The following CPPED1 variants were observed in gnomAD, a reference collection of about 807,000 sequenced individuals.
CPPED1 encodes the protein calcineurin like phosphoesterase domain containing 1.
In CPPED1, 28 loss-of-function variants were observed where a neutral mutation model predicts 28.0. The observed-to-expected ratio is 1.00, with a 90% CI of 0.74 to 1.37. CPPED1 has a LOEUF of 1.37. Ranked by LOEUF, CPPED1 falls within the 40% of genes most tolerant of loss-of-function variation. CPPED1 has a pLI of 0.00. For synonymous variants in CPPED1, 198 were observed against 180.2 expected (o/e 1.10, Z -0.79); for missense variants, 504 against 416.5 (o/e 1.21, Z -1.83).
intron 2 of CPPED1, among the ~76,000 whole-genome samples, chr16:12,746,662 T>C (rs2080290500): frequency 6.6e-6 from 1 of 152,100 alleles, no homozygotes; most frequent in Non-Finnish European, 1.5e-5. Context: ...AAATTGTCTT[T>C]GTAAAAGAAA....
chr16:12,743,545 C>G (rs2080267189), intron 2 of CPPED1, among the ~76,000 whole-genome samples: 1 of 152,110 alleles, frequency 6.6e-6, no homozygotes, highest in Non-Finnish European at 1.5e-5. Context: ...AAAGAAAAAT[C>G]TAAGAAAAGA....
intron 1 of CPPED1, among the ~76,000 whole-genome samples, chr16:12,799,506 A>C (rs916637663): frequency 6.6e-6 from 1 of 152,166 alleles, no homozygotes; most frequent in African/African-American, 2.4e-5. Context: ...TCGGCCTCCC[A>C]AAGTGCAGGA....
chr16:12,704,766 G>T lies in CPPED1; in HGVS notation c.573C>A (p.Ile191=), dbSNP rs368920536. Residue 191 remains isoleucine (I), a synonymous_variant, in exon 3 of 4, where the codon ATC becomes ATA. Coordinates refer to ENST00000381774, the MANE Select transcript of CPPED1 (RefSeq NM_018340.3). ...QDQWLDEQLS[I]ARQRHCQHAI... is the part of the protein sequence containing the mutation. ...CATGCTGGCAGTGCCGCTGCCTCGC[G>T]ATGCTCAGCTGCTCGTCCAGCCACT... 2.5e-6 allele frequency: 4 copies of T among 1,614,082 alleles called. No individual in the cohort carries two copies. Among genetic ancestry groups the T allele is most frequent in the Non-Finnish European group, 3.4e-6 (4 of 1,180,052 alleles).
At chr16:12,763,658 G>T (rs2080422707) in intron 2 of CPPED1, among the ~76,000 whole-genome samples, 1 of 152,142 alleles carries the variant, frequency 6.6e-6, no homozygotes, top group Non-Finnish European at 1.5e-5. Flanking sequence ...AGAGAGATTA[G>T]ATAACTTGCC....
At position 12,664,598 on chromosome 16, in the gene CPPED1, T is replaced by G; in HGVS notation, c.*288A>C. ...AATACAATCCAATTCAAAAGTGGAG[T>G]TGAGAAACACAGCATTAGGAGAATT... On this transcript the variant is annotated 3_prime_UTR_variant, in exon 4 of 4. Transcript: ENST00000381774. This position sits in a 1 kb window ranked among gnomAD's most constrained non-coding sequence, Gnocchi z 4.2. 8.3e-7 allele frequency: 1 copy of G among 1,208,226 alleles called. No individual in the cohort carries two copies. The highest frequency in any genetic ancestry group is 1.0e-6 in the Non-Finnish European group (1 of 971,678). The allele number at this position is 1,208,226 out of a possible 1,614,324, so 74.8% of individuals were successfully genotyped here. A position where few individuals can be genotyped will look rare whatever the true frequency, so the allele number is the denominator to read the frequency against.
intron 3 of CPPED1, 40 bp downstream of exon 3, chr16:12,704,584 T>C: frequency 6.4e-7 from 1 of 1,568,506 alleles, no homozygotes; most frequent in Non-Finnish European, 8.7e-7. Flanking sequence ...CTCTCTAGAC[T>C]TGTCCTTCCT....
At chr16:12,747,222 G>T (rs978856663) in intron 2 of CPPED1, among the ~76,000 whole-genome samples, 2 of 151,856 alleles carry the variant, frequency 1.3e-5, no homozygotes, top group African/African-American at 4.8e-5. Context: ...TTGAGCCCAG[G>T]AATATAAGAC....
At chr16:12,774,578 G>T (rs1045687468) in intron 2 of CPPED1, among the ~76,000 whole-genome samples, 1 of 152,128 alleles carries the variant, frequency 6.6e-6, no homozygotes, top group African/African-American at 2.4e-5. Flanking sequence ...AATGCATGCT[G>T]TTCTAGTCCT....
intron 1 of CPPED1, among the ~76,000 whole-genome samples, chr16:12,801,679 AG>A (rs2080660630): frequency 6.6e-6 from 1 of 152,198 alleles, no homozygotes. Flanking sequence ...ACTGTTACCA[AG>A]GGCAAAAACC....
At chr16:12,775,019 T>C (rs752191269) in intron 2 of CPPED1, among the ~76,000 whole-genome samples, 7 of 152,134 alleles carry the variant, frequency 4.6e-5, no homozygotes, top group Non-Finnish European at 1.0e-4. Context: ...GGGGTTTCAC[T>C]ATGTTGTCCA....
rs2141163107 is a variant in CPPED1 at position 12,665,123 on chromosome 16, G to C, written c.716-8C>G. ...AGAACACGACTTTGACACCTGCAGAGAAGGGAAAAAGTCATTAGGGGGCCG... is the reference window on the plus strand; with the variant it reads ...AGAACACGACTTTGACACCTGCAGACAAGGGAAAAAGTCATTAGGGGGCCG... On this transcript the variant is annotated splice_region_variant and splice_polypyrimidine_tract_variant and intron_variant, in intron 3 of 3. Transcript: ENST00000381774. 1 of 1,588,520 alleles carries C rather than the reference G, an allele frequency of 6.3e-7. No individual in the cohort carries two copies. The highest frequency in any genetic ancestry group is 2.3e-5 in the East Asian group (1 of 44,284).
chr16:12,720,426 G>C (rs953556816), intron 2 of CPPED1: 2 of 154,268 alleles, frequency 1.3e-5, no homozygotes, highest in African/African-American at 4.8e-5. Flanking sequence ...TTGTGCTTCA[G>C]TGAAGGAAAC....
At position 12,704,958 on chromosome 16, in the gene CPPED1, G is replaced by A; in HGVS notation, c.381C>T (p.Asn127=). ...RAIPLVLVSG[N]HDIGNTPTAE... ...CCGTGGGGGTGTTGCCAATGTCATG[G>A]TTGCCGCTGACAAGGACCAGTGGGA... Residue 127 remains asparagine, a synonymous_variant, in exon 3 of 4, where the codon AAC becomes AAT. Transcript: ENST00000381774. 6.2e-7 allele frequency: 1 copy of A among 1,614,230 alleles called. No homozygotes were observed. Among genetic ancestry groups the A allele is most frequent in the South Asian group, 1.1e-5 (1 of 91,082 alleles).
In CPPED1 at chr16:12,664,585, T is replaced by C. The variant is rs762140161; in HGVS notation, c.*301A>G. 17 of 1,188,080 alleles carry C rather than the reference T, an allele frequency of 1.4e-5. No homozygotes were observed. Among genetic ancestry groups the C allele is most frequent in the Non-Finnish European group, 1.6e-5 (15 of 958,814 alleles). The allele number at this position is 1,188,080 out of a possible 1,614,324, so 73.6% of individuals were successfully genotyped here. On this transcript the variant is annotated 3_prime_UTR_variant, in exon 4 of 4. Transcript: ENST00000381774. This position sits in a 1 kb window ranked among gnomAD's most constrained non-coding sequence, Gnocchi z 4.2. ...ATATGCTAACCAGAATACAATCCAA[T>C]TCAAAAGTGGAGTTGAGAAACACAG...
At chr16:12,681,912 G>C (rs760239325) in intron 3 of CPPED1, among the ~76,000 whole-genome samples, 2 of 152,094 alleles carry the variant, frequency 1.3e-5, no homozygotes, top group South Asian at 2.1e-4. Flanking sequence ...TACTCTCCAG[G>C]GGCTAGAGGT....
intron 2 of CPPED1, among the ~76,000 whole-genome samples, chr16:12,731,724 CT>C (rs921139794): frequency 1.7e-3 from 247 of 144,490 alleles, no homozygotes; most frequent in Middle Eastern, 3.6e-3. Flanking sequence ...CTTTTTCATT[CT>C]TTTTTTTTTT....
chr16:12,765,288 C>T (rs2080432121), intron 2 of CPPED1, among the ~76,000 whole-genome samples: 1 of 152,240 alleles, frequency 6.6e-6, no homozygotes, highest in Non-Finnish European at 1.5e-5. Context: ...CAAGCTTCAT[C>T]ACGTTCTACC....
intron 2 of CPPED1, among the ~76,000 whole-genome samples, chr16:12,741,015 A>C (rs1331602793): frequency 6.6e-6 from 1 of 152,210 alleles, no homozygotes; most frequent in East Asian, 1.9e-4. Flanking sequence ...CAAGTCATTT[A>C]ATCCACATCT....
chr16:12,774,180 T>C (rs751171309), intron 2 of CPPED1, among the ~76,000 whole-genome samples: 13 of 152,096 alleles, frequency 8.5e-5, no homozygotes, highest in Non-Finnish European at 1.6e-4. Flanking sequence ...TTTAAAAATG[T>C]TCCCTCCAAG....
Sources: allele counts gnomAD v4.1 joint callset (sites outside exome capture counted in the v4.1 genomes callset), GRCh38; gene constraint gnomAD v4.1.1; non-coding constraint Gnocchi (gnomAD v3.1); transcripts MANE v1.5; gene names NCBI Gene and HGNC (gene_info 2026-07-23, HGNC 2026-07-21).